Variants in CPEB1 observed in about 807,000 individuals in gnomAD.
The protein encoded by CPEB1 is cytoplasmic polyadenylation element binding protein 1, also known as cytoplasmic polyadenylation element-binding protein 1.
A neutral mutation model predicts 65.8 loss-of-function variants in CPEB1; 7 were observed. That is an observed-to-expected ratio of 0.11 (90% CI 0.06 to 0.20). The LOEUF (loss-of-function observed/expected upper bound fraction) is 0.20. CPEB1 is among the 10% of genes least tolerant of loss of function. CPEB1 has a pLI of 1.00. For synonymous variants in CPEB1, 262 were observed against 260.0 expected (o/e 1.01, Z -0.08); for missense variants, 551 against 712.2 (o/e 0.77, Z 2.58).
At position 82,641,233 on chromosome 15, in the gene CPEB1, T is replaced by TA. The variant is rs143277353; in HGVS notation, c.-98+5903dup. On this transcript the variant is annotated intron_variant, in intron 1 of 12. Coordinates refer to ENST00000684509, the MANE Select transcript of CPEB1 (RefSeq NM_001365242.1). ...CACAACAATTCCAAGATTACAGCTT[T>TA]AAAAAAAAACAAAAACAAAAACAAA... Among the ~76,000 whole-genome samples the TA allele has an allele frequency of 7.8e-3, 1,164 of 150,144 alleles. 22 individuals are homozygous for TA. The East Asian group carries it at 0.096, about 12-fold the overall frequency.
chr15:82,639,851 T>A (rs1440251466), intron 1 of CPEB1, among the ~76,000 whole-genome samples: 4 of 146,116 alleles, frequency 2.7e-5, no homozygotes, highest in African/African-American at 7.4e-5. Context: ...GCGCAAACAC[T>A]CTCTCTCTCT....
At chr15:82,560,747 T>C (rs1008173964) in intron 4 of CPEB1, among the ~76,000 whole-genome samples, 6 of 151,694 alleles carry the variant, frequency 4.0e-5, no homozygotes, top group African/African-American at 7.3e-5. Flanking sequence ...TGCAGAGCTG[T>C]TGTGTGGATA....
intron 3 of CPEB1, among the ~76,000 whole-genome samples, chr15:82,591,972 T>C (rs2151151426): frequency 6.6e-6 from 1 of 151,968 alleles, no homozygotes; most frequent in Non-Finnish European, 1.5e-5. Flanking sequence ...CCCTTCTAAT[T>C]AGCTGAAGCT....
intron 1 of CPEB1, among the ~76,000 whole-genome samples, chr15:82,634,279 C>A (rs1489672960): frequency 1.3e-5 from 2 of 151,560 alleles, no homozygotes; most frequent in Non-Finnish European, 2.9e-5. Context: ...TGCTAAAGAT[C>A]CCCAAATTTT....
chr15:82,641,999 C>A (rs1275191849), intron 1 of CPEB1, among the ~76,000 whole-genome samples: 1 of 152,198 alleles, frequency 6.6e-6, no homozygotes. Flanking sequence ...TAACTTTTTA[C>A]AGCAAGTCAG....
intron 3 of CPEB1, among the ~76,000 whole-genome samples, chr15:82,612,952 AGT>A (rs2044324199): frequency 6.6e-6 from 1 of 152,176 alleles, no homozygotes; most frequent in South Asian, 2.1e-4. Flanking sequence ...TCCAGGCCCA[AGT>A]GGCTTCAGCA....
rs538383859 is a variant in CPEB1 at position 82,574,990 on chromosome 15, A to G, written c.272-3458T>C. Among the ~76,000 whole-genome samples, 7 of 152,308 alleles carry G rather than the reference A, an allele frequency of 4.6e-5. No individual in the cohort carries two copies. The South Asian group carries it at 1.5e-3, about 32-fold the overall frequency. On this transcript the variant is annotated intron_variant, in intron 3 of 12. Transcript: ENST00000684509. ...TGACACTAGCCTACAGTAGGGCAAAATAATTTAACACAAAACTTGTTTTAT... is the reference window on the plus strand; with the variant it reads ...TGACACTAGCCTACAGTAGGGCAAAGTAATTTAACACAAAACTTGTTTTAT...
At chr15:82,623,626 A>C (rs538930972) in intron 3 of CPEB1, among the ~76,000 whole-genome samples, 2 of 152,276 alleles carry the variant, frequency 1.3e-5, no homozygotes, top group South Asian at 4.1e-4. Context: ...CAGTGAGCCG[A>C]GATCACGCCA....
chr15:82,610,102 GC>G (rs149543237), intron 3 of CPEB1, among the ~76,000 whole-genome samples: 249 of 150,544 alleles, frequency 1.7e-3, no homozygotes, highest in African/African-American at 5.9e-3. Flanking sequence ...TTATATGCCT[GC>G]AAATTAGAAA....
intron 3 of CPEB1, among the ~76,000 whole-genome samples, chr15:82,574,944 C>T (rs1351395024): frequency 1.3e-5 from 2 of 152,064 alleles, no homozygotes; most frequent in African/African-American, 4.8e-5. Context: ...GCCTAGCATA[C>T]CTTAACTGTG....
chr15:82,632,323 G>A (rs2046329808), intron 1 of CPEB1, among the ~76,000 whole-genome samples: 1 of 152,002 alleles, frequency 6.6e-6, no homozygotes, highest in African/African-American at 2.4e-5. Flanking sequence ...CACATAGCCT[G>A]AAGTTAATTT....
intron 3 of CPEB1, among the ~76,000 whole-genome samples, chr15:82,589,431 C>G (rs2042047074): frequency 6.6e-6 from 1 of 152,182 alleles, no homozygotes; most frequent in Non-Finnish European, 1.5e-5. Flanking sequence ...ATTGCTCAGT[C>G]TTCATATTGC....
At chr15:82,553,312 G>A (rs2036601221) in intron 8 of CPEB1, 155 bp downstream of exon 8, 5 of 627,656 alleles carry the variant, frequency 8.0e-6, no homozygotes, top group Non-Finnish European at 1.2e-5. Context: ...TTAGGTTGAA[G>A]AGAAAGTGCT....
In CPEB1 at chr15:82,553,457, G is replaced by A; in HGVS notation, c.1144+10C>T. On this transcript the variant is annotated intron_variant, in intron 8 of 12. Transcript: ENST00000684509. ...TCCTACCATGTCTTTATTACCTTTA[G>A]GCATATTACCTTTGGGAGGACACCG... 1 of 1,607,960 alleles carries A rather than the reference G, an allele frequency of 6.2e-7. No homozygotes were observed. The highest frequency in any genetic ancestry group is 2.2e-5 in the East Asian group (1 of 44,862).
At chr15:82,580,390 A>C (rs1410078377) in intron 3 of CPEB1, among the ~76,000 whole-genome samples, 1 of 152,138 alleles carries the variant, frequency 6.6e-6, no homozygotes, top group Non-Finnish European at 1.5e-5. Context: ...GAACTGGTTT[A>C]AATATTTTAA....
chr15:82,573,988 T>A (rs984050574), intron 3 of CPEB1, among the ~76,000 whole-genome samples: 1 of 152,034 alleles, frequency 6.6e-6, no homozygotes, highest in Non-Finnish European at 1.5e-5. Context: ...ACAGTACTGA[T>A]GTGTACAACT....
rs771288550 is a variant in CPEB1 at position 82,546,476 on chromosome 15, T to C, written c.1621A>G (p.Ser541Gly). Residue 541 changes from serine to glycine, a missense_variant, in exon 12 of 13, where the codon AGT becomes GGT. Around this residue, in one of 6 missense-constraint regions of CPEB1, gnomAD observed 98 missense variants for 157.6 expected, o/e 0.62. Transcript: ENST00000684509. ...YLEDSLCHIC[S>G]SQPGPFFCRD... ...CAGAAGAAAGGACCAGGCTGAGAACTGCAGATATGACACAGAGAATCTTCT... is the reference window on the plus strand; with the variant it reads ...CAGAAGAAAGGACCAGGCTGAGAACCGCAGATATGACACAGAGAATCTTCT... The C allele has an allele frequency of 1.9e-6, 3 of 1,614,038 alleles. No individual in the cohort carries two copies. In the Admixed American group the frequency reaches 5.0e-5, roughly 27 times the overall value.
chr15:82,643,689 G>A (rs762450444), intron 1 of CPEB1, among the ~76,000 whole-genome samples: 2 of 151,678 alleles, frequency 1.3e-5, no homozygotes, highest in African/African-American at 2.4e-5. Flanking sequence ...CTTTACATCC[G>A]TAAGTGTGGC....
intron 3 of CPEB1, among the ~76,000 whole-genome samples, chr15:82,609,038 G>T (rs1284920342): frequency 6.6e-6 from 1 of 152,090 alleles, no homozygotes; most frequent in Non-Finnish European, 1.5e-5. Flanking sequence ...GTAACAGAAG[G>T]AAAACTGGAA....
Sources: gnomAD v4.1 joint callset for allele counts (sites outside exome capture counted in the v4.1 genomes callset) on GRCh38, gnomAD v4.1.1 for gene constraint, gnomAD v4.1.1 regional missense constraint, MANE v1.5 for transcripts, NCBI Gene and HGNC (gene_info 2026-07-23, HGNC 2026-07-21) for gene names.